Variants in ZNF407 observed in about 807,000 individuals in gnomAD.
The protein encoded by ZNF407 is zinc finger protein 407.
ZNF407 carries 17 observed loss-of-function variants against 131.2 expected under a neutral mutation model. That is an observed-to-expected ratio of 0.13 (90% CI 0.09 to 0.19). ZNF407 has a LOEUF of 0.19. Ranked by LOEUF, ZNF407 falls within the 10% of genes least tolerant of loss-of-function variation. The probability of loss-of-function intolerance (pLI) is 1.00; values close to 1 mark genes in which losing one functional copy is unlikely to be tolerated. For synonymous variants in ZNF407, 1,156 were observed against 1,062.0 expected, an observed-to-expected ratio of 1.09 and a Z score of -1.72; for missense variants, 2,681 against 2,830.6, an observed-to-expected ratio of 0.95 and a Z score of 1.20.
At chr18:74,763,630 G>T (rs891553168) in intron 3 of ZNF407, among the ~76,000 whole-genome samples, 1 of 151,300 alleles carries the variant, frequency 6.6e-6, no homozygotes, top group Non-Finnish European at 1.5e-5. Flanking sequence ...TAAAATGAAG[G>T]TAGTTAACAT....
chr18:74,690,714 T>G (rs923837479), intron 3 of ZNF407, among the ~76,000 whole-genome samples: 7 of 152,190 alleles, frequency 4.6e-5, no homozygotes, highest in Admixed American at 4.6e-4. Flanking sequence ...AGCATTTCAT[T>G]AATATTTTCC....
chr18:75,059,878 C>T (rs1463633063), intron 8 of ZNF407, among the ~76,000 whole-genome samples: 1 of 152,232 alleles, frequency 6.6e-6, no homozygotes, highest in African/African-American at 2.4e-5. Flanking sequence ...TTCAGCTCAG[C>T]TTTTAAACTC....
At chr18:74,785,326 A>G (rs940926707) in intron 4 of ZNF407, among the ~76,000 whole-genome samples, 1 of 152,134 alleles carries the variant, frequency 6.6e-6, no homozygotes, top group African/African-American at 2.4e-5. Flanking sequence ...TGCTCAGGCT[A>G]AGATTTCCTC....
intron 8 of ZNF407, among the ~76,000 whole-genome samples, chr18:75,002,899 A>G (rs914215906): frequency 1.3e-5 from 2 of 152,162 alleles, no homozygotes; most frequent in South Asian, 4.1e-4. Context: ...GTGTTTTACA[A>G]ATAAAAGGTG....
At chr18:74,651,850 A>G (rs1197136714) in intron 3 of ZNF407, among the ~76,000 whole-genome samples, 1 of 152,304 alleles carries the variant, frequency 6.6e-6, no homozygotes, top group Non-Finnish European at 1.5e-5. Context: ...AACTTGCTCT[A>G]ACAAATAGGG....
chr18:74,879,765 G>T (rs1281965628), intron 5 of ZNF407, among the ~76,000 whole-genome samples: 1 of 152,108 alleles, frequency 6.6e-6, no homozygotes, highest in Non-Finnish European at 1.5e-5. Flanking sequence ...TAGGAAATAA[G>T]ATTAAGCGTA....
rs180732685 is a variant in ZNF407, at chr18:74,677,731, T to C, written c.4802+36609T>C. On this transcript the variant is annotated intron_variant, in intron 3 of 8. Transcript: ENST00000299687. ...AAATTGTTATTTTAAAGTTTGTTTTTGATAGTTCCAATATTGAAGCCCCTT... is the reference window on the plus strand; with the variant it reads ...AAATTGTTATTTTAAAGTTTGTTTTCGATAGTTCCAATATTGAAGCCCCTT... Among the ~76,000 whole-genome samples the C allele has an allele frequency of 6.5e-3, 994 of 152,324 alleles. 3 individuals carry two copies. The highest frequency in any genetic ancestry group is 9.5e-3 in the Non-Finnish European group (649 of 68,034).
intron 3 of ZNF407, among the ~76,000 whole-genome samples, chr18:74,732,992 A>G (rs1163679488): frequency 6.6e-6 from 1 of 152,194 alleles, no homozygotes; most frequent in African/African-American, 2.4e-5. Flanking sequence ...TAAAAGTTAA[A>G]TAAGATTTAA....
chr18:74,839,505 G>A (rs1389523159), intron 4 of ZNF407, among the ~76,000 whole-genome samples: 4 of 152,144 alleles, frequency 2.6e-5, no homozygotes, highest in Admixed American at 2.6e-4. Context: ...ATTGGAGGAG[G>A]CTGTTCAGAT....
intron 4 of ZNF407, among the ~76,000 whole-genome samples, chr18:74,785,775 GGC>G (rs1204407341): frequency 1.4e-5 from 2 of 144,600 alleles, no homozygotes; most frequent in Non-Finnish European, 3.0e-5. Flanking sequence ...TCACTCACAT[GGC>G]ACACACATGT....
At chr18:74,643,990 T>C (rs1984846921) in intron 3 of ZNF407, among the ~76,000 whole-genome samples, 1 of 151,978 alleles carries the variant, frequency 6.6e-6, no homozygotes, top group African/African-American at 2.4e-5. Context: ...ATGTATTAGA[T>C]GCCTAATTCC....
At chr18:74,639,455 T>G (rs1315689052) in intron 2 of ZNF407, among the ~76,000 whole-genome samples, 1 of 152,214 alleles carries the variant, frequency 6.6e-6, no homozygotes, top group Non-Finnish European at 1.5e-5. Context: ...CATTATAGAA[T>G]TCTATGTCTT....
At chr18:74,681,748 C>T (rs2144778709) in intron 3 of ZNF407, among the ~76,000 whole-genome samples, 1 of 152,316 alleles carries the variant, frequency 6.6e-6, no homozygotes, top group South Asian at 2.1e-4. Context: ...GGACTTGCTA[C>T]TTTCCATGGT....
chr18:74,826,860 A>T (rs1970417101), intron 4 of ZNF407, among the ~76,000 whole-genome samples: 1 of 152,236 alleles, frequency 6.6e-6, no homozygotes, highest in Non-Finnish European at 1.5e-5. Context: ...GGCAGACAAG[A>T]TCATTTTCAA....
In ZNF407 at chr18:75,063,537, C is replaced by A. The variant is rs1164558918; in HGVS notation, c.5816C>A (p.Thr1939Asn). ...ILPEQLADGA[T>N]QVVVVGGSME... ...CCCGAGCAGCTGGCTGATGGAGCCA[C>A]CCAGGTGGTCGTCGTGGGGGGCTCC... The change falls in exon 9 of 9, where the codon ACC becomes AAC. Residue 1939 changes from threonine to asparagine, a missense_variant. This residue lies in a region of ZNF407 where 620 missense variants were observed against 583.1 expected (regional missense o/e 1.06). Transcript: ENST00000299687. The surrounding 1 kb of genome is among the most constrained non-coding windows in gnomAD (Gnocchi z 6.6). The A allele has an allele frequency of 6.4e-7, 1 of 1,572,358 alleles. No individual in the cohort carries two copies. Among genetic ancestry groups the A allele is most frequent in the Non-Finnish European group, 8.6e-7 (1 of 1,160,376 alleles).
intron 3 of ZNF407, among the ~76,000 whole-genome samples, chr18:74,656,930 G>A (rs1455228671): frequency 6.6e-6 from 1 of 152,082 alleles, no homozygotes; most frequent in African/African-American, 2.4e-5. Context: ...TTGTTATCCT[G>A]TATTGCTTAT....
chr18:74,823,971 T>G (rs1970376203), intron 4 of ZNF407, among the ~76,000 whole-genome samples: 1 of 152,158 alleles, frequency 6.6e-6, no homozygotes, highest in South Asian at 2.1e-4. Flanking sequence ...ATTAAAACAT[T>G]CCTCAGCAAA....
Position 75,064,094 on chromosome 18 carries a change from A to T in ZNF407, c.6373A>T (p.Met2125Leu), listed in dbSNP as rs1184536984. The T allele has an allele frequency of 6.3e-7, 1 of 1,591,734 alleles. No homozygotes were observed. ...MVAGEGAQIIMQEAQGEHMDL... is the reference protein window; with the variant it reads ...MVAGEGAQIILQEAQGEHMDL... Reference sequence around the variant, plus strand: ...CGCCGGGGAGGGTGCCCAGATCATCATGCAGGAGGCGCAGGGCGAGCACAT... The same window carrying T: ...CGCCGGGGAGGGTGCCCAGATCATCTTGCAGGAGGCGCAGGGCGAGCACAT... Residue 2125 changes from methionine (M) to leucine (L), a missense_variant, in exon 9 of 9, where the codon ATG becomes TTG. Transcript: ENST00000299687.
chr18:74,775,895 C>A (rs1969459633), intron 3 of ZNF407, among the ~76,000 whole-genome samples: 1 of 146,504 alleles, frequency 6.8e-6, no homozygotes, highest in Non-Finnish European at 1.5e-5. Flanking sequence ...GTTTTACACA[C>A]TTTTAAACCA....
Sources: gnomAD v4.1 joint callset for allele counts (sites outside exome capture counted in the v4.1 genomes callset) on GRCh38, gnomAD v4.1.1 for gene constraint, gnomAD v4.1.1 regional missense constraint, Gnocchi (gnomAD v3.1) non-coding constraint, MANE v1.5 for transcripts, NCBI Gene and HGNC (gene_info 2026-07-23, HGNC 2026-07-21) for gene names.